Variants in SPHKAP observed in about 807,000 individuals in gnomAD.
The protein encoded by SPHKAP is A-kinase anchor protein SPHKAP.
SPHKAP carries 67 observed loss-of-function variants against 137.5 expected under a neutral mutation model. The ratio of observed to expected loss-of-function variants is 0.49; its 90% confidence interval spans 0.40 to 0.60. The LOEUF (loss-of-function observed/expected upper bound fraction) is 0.60. SPHKAP is among the 20% of genes least tolerant of loss of function. The pLI, the probability that SPHKAP is intolerant of heterozygous loss-of-function variation, is 0.00. For synonymous variants in SPHKAP, 813 were observed against 785.3 expected (o/e 1.04, Z -0.59); for missense variants, 2,097 against 2,069.3 (o/e 1.01, Z -0.26).
intron 11 of SPHKAP, among the ~76,000 whole-genome samples, chr2:227,984,669 A>G (rs1693147065): frequency 6.6e-6 from 1 of 152,188 alleles, no homozygotes. Flanking sequence ...CAGCTTTTGT[A>G]TGATTCCACT....
At chr2:228,142,332 T>C (rs1355227355) in intron 1 of SPHKAP, among the ~76,000 whole-genome samples, 3 of 151,678 alleles carry the variant, frequency 2.0e-5, no homozygotes, top group Non-Finnish European at 4.4e-5. Flanking sequence ...AAACATATAG[T>C]ATTCTGTTAA....
intron 3 of SPHKAP, among the ~76,000 whole-genome samples, chr2:228,029,530 G>T (rs1269389001): frequency 6.6e-6 from 1 of 152,154 alleles, no homozygotes; most frequent in Non-Finnish European, 1.5e-5. Flanking sequence ...ATAACTTGAT[G>T]GGCATTAGGG....
chr2:228,035,417 G>A (rs1045619801), intron 3 of SPHKAP, among the ~76,000 whole-genome samples: 6 of 152,094 alleles, frequency 3.9e-5, no homozygotes, highest in African/African-American at 1.2e-4. Flanking sequence ...CCATGCTCAT[G>A]GGTAGGAAGA....
intron 3 of SPHKAP, among the ~76,000 whole-genome samples, chr2:228,046,842 A>G (rs1410734060): frequency 3.3e-5 from 5 of 152,168 alleles, no homozygotes. Context: ...TCCTTGGGCA[A>G]GAAGAGACAA....
chr2:228,133,069 G>T (rs542565554), intron 1 of SPHKAP, among the ~76,000 whole-genome samples: 1 of 152,136 alleles, frequency 6.6e-6, no homozygotes, highest in East Asian at 1.9e-4. Flanking sequence ...CACTTTCGGA[G>T]GCCGAGGCCG....
At chr2:228,064,993 A>T (rs1696780275) in intron 3 of SPHKAP, among the ~76,000 whole-genome samples, 1 of 152,214 alleles carries the variant, frequency 6.6e-6, no homozygotes, top group Non-Finnish European at 1.5e-5. Flanking sequence ...CCCAAACAAA[A>T]AGCACATTCA....
intron 1 of SPHKAP, among the ~76,000 whole-genome samples, chr2:228,175,066 T>C (rs10205128): frequency 0.61 from 90,556 of 148,596 alleles, 27,677 homozygotes; most frequent in East Asian, 0.7. Context: ...TATAAAAGAA[T>C]ATCCAAGAGC....
intron 7 of SPHKAP, among the ~76,000 whole-genome samples, chr2:228,014,731 G>A (rs1694501324): frequency 6.6e-6 from 1 of 152,178 alleles, no homozygotes; most frequent in Non-Finnish European, 1.5e-5. Context: ...CCTGGTGGAA[G>A]TGGAAAAGTA....
rs1257138576 is a variant in SPHKAP at position 228,090,738 on chromosome 2, CT to C, written c.246+18093del. On this transcript the variant is annotated intron_variant, in intron 3 of 11. Transcript: ENST00000392056. ...AGTTCTCACTCAGTTCATGTGAGATCTTTTTTTTTTTCAAAGGATGAGCACC... is the reference window on the plus strand; with the variant it reads ...AGTTCTCACTCAGTTCATGTGAGATCTTTTTTTTTTCAAAGGATGAGCACC... 4.6e-4 allele frequency among the ~76,000 whole-genome samples: 68 copies of C among 146,476 alleles called. 1 individual carries two copies. Among genetic ancestry groups the C allele is most frequent in the African/African-American group, 9.2e-4 (37 of 40,058 alleles).
chr2:228,151,197 C>T (rs1014443974), intron 1 of SPHKAP, among the ~76,000 whole-genome samples: 1 of 150,168 alleles, frequency 6.7e-6, no homozygotes, highest in Admixed American at 6.7e-5. Context: ...GGTTTTTTGT[C>T]CTTGCGATAG....
At chr2:228,164,439 G>A (rs1700362258) in intron 1 of SPHKAP, among the ~76,000 whole-genome samples, 2 of 152,140 alleles carry the variant, frequency 1.3e-5, no homozygotes, top group Non-Finnish European at 2.9e-5. Flanking sequence ...CTGTCCCTCT[G>A]GAAAGCCCTG....
intron 2 of SPHKAP, among the ~76,000 whole-genome samples, chr2:228,121,713 T>G (rs1041329669): frequency 6.6e-6 from 1 of 151,872 alleles, no homozygotes; most frequent in African/African-American, 2.4e-5. Flanking sequence ...GTGAGTTCCC[T>G]TCTCAAAAGG....
intron 7 of SPHKAP, chr2:227,996,118 T>C: frequency 1.0e-6 from 1 of 985,010 alleles, no homozygotes; most frequent in Non-Finnish European, 1.2e-6. Flanking sequence ...TGCAAGAGGA[T>C]CATTAGAAAA....
At chr2:228,143,262 C>T (rs1699661551) in intron 1 of SPHKAP, among the ~76,000 whole-genome samples, 1 of 151,962 alleles carries the variant, frequency 6.6e-6, no homozygotes, top group Admixed American at 6.6e-5. Context: ...TAAGACTGGG[C>T]CAGGTGCGGT....
chr2:228,058,093 T>C (rs1290568634), intron 3 of SPHKAP, among the ~76,000 whole-genome samples: 2 of 152,170 alleles, frequency 1.3e-5, no homozygotes, highest in Non-Finnish European at 2.9e-5. Flanking sequence ...ACTACATTTC[T>C]TTTTTTGTTC....
chr2:228,120,290 G>A (rs935136233), intron 2 of SPHKAP, among the ~76,000 whole-genome samples: 1 of 152,122 alleles, frequency 6.6e-6, no homozygotes, highest in Non-Finnish European at 1.5e-5. Context: ...TAGTAGGAGA[G>A]TCCTTATCTA....
At chr2:228,043,475 T>C (rs1695924642) in intron 3 of SPHKAP, among the ~76,000 whole-genome samples, 1 of 152,126 alleles carries the variant, frequency 6.6e-6, no homozygotes, top group South Asian at 2.1e-4. Flanking sequence ...TACAGGCACG[T>C]GCCACCATGC....
intron 1 of SPHKAP, among the ~76,000 whole-genome samples, chr2:228,159,416 G>A (rs563010849): frequency 6.6e-6 from 1 of 152,170 alleles, no homozygotes; most frequent in South Asian, 2.1e-4. Flanking sequence ...CATGAGAGGA[G>A]GGGCTTGCAA....
intron 3 of SPHKAP, among the ~76,000 whole-genome samples, chr2:228,095,645 A>AT (rs895654079): frequency 2.3e-4 from 35 of 151,862 alleles, no homozygotes; most frequent in East Asian, 7.7e-4. Context: ...ATACTTTTTA[A>AT]TTTTTTTTTA....
Sources: allele counts gnomAD v4.1 joint callset (sites outside exome capture counted in the v4.1 genomes callset), GRCh38; gene constraint gnomAD v4.1.1; transcripts MANE v1.5; gene names NCBI Gene and HGNC (gene_info 2026-07-23, HGNC 2026-07-21).